Variants in ANTXR2 observed in about 807,000 individuals in gnomAD.
ANTXR2 encodes anthrax toxin receptor 2.
Under a neutral mutation model 73.7 loss-of-function variants are expected in ANTXR2, and 44 were observed. The ratio of observed to expected loss-of-function variants is 0.60; its 90% CI spans 0.47 to 0.77. The LOEUF (loss-of-function observed/expected upper bound fraction) is 0.77. Among genes scored for constraint, ANTXR2 ranks in the 30% least tolerant of loss-of-function variants. ANTXR2 has a pLI of 0.00. For missense variants in ANTXR2, 604 were observed against 592.5 expected (o/e 1.02, Z -0.20); for synonymous variants, 217 against 205.9 (o/e 1.05, Z -0.46).
chr4:80,005,743 G>C lies in ANTXR2; in HGVS notation c.1041+2778C>G, dbSNP rs144172473. ...CTGTCACTGCCTTTCCATTTCCATT[G>C]TTAATGGAACTCAGTTGGATACAGT... On this transcript the variant is annotated intron_variant, in intron 12 of 16. Transcript: ENST00000403729. Among the ~76,000 whole-genome samples the C allele has an allele frequency of 2.1e-3, 315 of 152,080 alleles. 1 individual carries two copies. The highest frequency in any genetic ancestry group is 6.8e-3 in the Middle Eastern group (2 of 294).
chr4:80,059,801 C>T (rs969174507), intron 3 of ANTXR2, among the ~76,000 whole-genome samples: 1 of 152,210 alleles, frequency 6.6e-6, no homozygotes. Context: ...GCCACCACAA[C>T]TGCCATGCAC....
At chr4:80,061,394 T>A (rs1734247301) in intron 3 of ANTXR2, among the ~76,000 whole-genome samples, 1 of 152,058 alleles carries the variant, frequency 6.6e-6, no homozygotes, top group Non-Finnish European at 1.5e-5. Flanking sequence ...CAAATGCCAA[T>A]TTATATAATT....
intron 16 of ANTXR2, among the ~76,000 whole-genome samples, chr4:79,920,366 C>G (rs905005608): frequency 4.6e-5 from 7 of 152,030 alleles, no homozygotes; most frequent in Admixed American, 3.9e-4. Context: ...CTTTTACTAC[C>G]TGCCTCCTCT....
chr4:80,040,446 A>T (rs1277201848), intron 7 of ANTXR2, among the ~76,000 whole-genome samples: 3 of 152,152 alleles, frequency 2.0e-5, no homozygotes, highest in African/African-American at 7.2e-5. Context: ...TGTCCCATCC[A>T]CAATAAATGG....
intron 16 of ANTXR2, among the ~76,000 whole-genome samples, chr4:79,908,256 G>A (rs972147506): frequency 4.6e-5 from 7 of 152,148 alleles, no homozygotes; most frequent in Non-Finnish European, 8.8e-5. Context: ...CCAGCCAAAA[G>A]CTAGCATAGT....
chr4:80,026,166 T>A (rs987804668), intron 10 of ANTXR2, among the ~76,000 whole-genome samples: 3 of 152,112 alleles, frequency 2.0e-5, no homozygotes, highest in African/African-American at 7.2e-5. Flanking sequence ...AAAGGGAGGA[T>A]CCTGATAAGA....
At chr4:80,022,273 G>C (rs908013583) in intron 10 of ANTXR2, among the ~76,000 whole-genome samples, 3 of 152,106 alleles carry the variant, frequency 2.0e-5, no homozygotes, top group Non-Finnish European at 4.4e-5. Context: ...ATATTTACTT[G>C]TGAATATATA....
At chr4:80,053,238 A>T (rs12646132) in intron 7 of ANTXR2, among the ~76,000 whole-genome samples, 21,508 of 151,566 alleles carry the variant, frequency 0.14, 2,804 homozygotes, top group East Asian at 0.71. Context: ...CACTGCAACT[A>T]TTCCCTAAAA....
intron 11 of ANTXR2, among the ~76,000 whole-genome samples, chr4:80,018,675 A>T (rs1731997945): frequency 6.6e-6 from 1 of 152,186 alleles, no homozygotes; most frequent in African/African-American, 2.4e-5. Context: ...TAAGTATGAA[A>T]ATCAAATGCA....
intron 16 of ANTXR2, among the ~76,000 whole-genome samples, chr4:79,914,263 A>G (rs1459654929): frequency 1.3e-5 from 2 of 152,056 alleles, no homozygotes; most frequent in African/African-American, 4.8e-5. Context: ...CTTTCTCTTT[A>G]TGTCTTGGCT....
chr4:79,975,975 A>G (rs1217261605), intron 16 of ANTXR2, among the ~76,000 whole-genome samples: 4 of 147,616 alleles, frequency 2.7e-5, no homozygotes, highest in Non-Finnish European at 5.9e-5. Flanking sequence ...TGCAGTGGCA[A>G]GATCTCGGCT....
At chr4:79,911,748 A>C (rs1222627054) in intron 16 of ANTXR2, among the ~76,000 whole-genome samples, 2 of 151,968 alleles carry the variant, frequency 1.3e-5, no homozygotes, top group African/African-American at 4.8e-5. Flanking sequence ...TATGAAGAAA[A>C]TATTTTCTTT....
chr4:79,932,167 T>A (rs573999429), intron 16 of ANTXR2, among the ~76,000 whole-genome samples: 1 of 152,204 alleles, frequency 6.6e-6, no homozygotes, highest in Non-Finnish European at 1.5e-5. Flanking sequence ...ATTAAATGAA[T>A]ATTAAAGAAA....
At chr4:80,019,380 A>C (rs1035187183) in intron 10 of ANTXR2, among the ~76,000 whole-genome samples, 1 of 152,158 alleles carries the variant, frequency 6.6e-6, no homozygotes, top group African/African-American at 2.4e-5. Context: ...AAAAAAAGGA[A>C]AGAGTAAGAG....
At position 80,021,595 on chromosome 4, in the gene ANTXR2, G is replaced by T. The variant is rs146857745; in HGVS notation, c.867-2619C>A. 8.4e-3 allele frequency among the ~76,000 whole-genome samples: 1,281 copies of T among 152,046 alleles called. 7 individuals carry two copies. The highest frequency in any genetic ancestry group is 0.014 in the Non-Finnish European group (932 of 67,958). ...ACGAACAAGTTCTCTAATTAATGAA[G>T]GAAACATTCAAACTTTTAATGCTTA... On this transcript the variant is annotated intron_variant, in intron 10 of 16. Transcript: ENST00000403729.
chr4:79,957,718 C>G (rs1023385002), intron 16 of ANTXR2, among the ~76,000 whole-genome samples: 1 of 151,960 alleles, frequency 6.6e-6, no homozygotes, highest in Non-Finnish European at 1.5e-5. Flanking sequence ...CCCCTTGAAG[C>G]CATTTTTTGT....
rs112757442 is a variant in ANTXR2, at chr4:80,017,434, C to T, written c.945+1464G>A. 6.8e-3 allele frequency among the ~76,000 whole-genome samples: 1,031 copies of T among 152,288 alleles called. 9 individuals are homozygous for T. Among genetic ancestry groups the T allele is most frequent in the African/African-American group, 0.023 (971 of 41,560 alleles). ...TCCTTTCCCCTTACCTCATCATTGACACATCAATGATCATTTTTCTGAAAT... is the reference window on the plus strand; with the variant it reads ...TCCTTTCCCCTTACCTCATCATTGATACATCAATGATCATTTTTCTGAAAT... On this transcript the variant is annotated intron_variant, in intron 11 of 16. Coordinates refer to ENST00000403729, the MANE Select transcript of ANTXR2 (RefSeq NM_058172.6).
chr4:79,917,396 G>A (rs2109937999), intron 16 of ANTXR2, among the ~76,000 whole-genome samples: 1 of 152,246 alleles, frequency 6.6e-6, no homozygotes, highest in African/African-American at 2.4e-5. Context: ...AAGCAGAACT[G>A]AGAAGTATCC....
At chr4:80,053,558 T>C (rs1029059368) in intron 7 of ANTXR2, among the ~76,000 whole-genome samples, 2 of 151,680 alleles carry the variant, frequency 1.3e-5, no homozygotes, top group Non-Finnish European at 1.5e-5. Context: ...AGAATATATA[T>C]TATTCACTTC....
Sources: gnomAD v4.1 joint callset for allele counts (sites outside exome capture counted in the v4.1 genomes callset) on GRCh38, gnomAD v4.1.1 for gene constraint, MANE v1.5 for transcripts, NCBI Gene and HGNC (gene_info 2026-07-23, HGNC 2026-07-21) for gene names.